FRYL: variants seen among roughly 807,000 people sequenced by gnomAD.
FRYL encodes the protein FRY like transcription coactivator.
FRYL carries 150 observed loss-of-function variants against 351.2 expected under a neutral mutation model. The observed-to-expected ratio is 0.43, with a 90% CI of 0.37 to 0.49. The LOEUF (loss-of-function observed/expected upper bound fraction) is 0.49. Among genes scored for constraint, FRYL ranks in the 20% least tolerant of loss-of-function variants. The pLI is 0.00. For synonymous variants in FRYL, 1,153 were observed against 1,257.1 expected (o/e 0.92, Z 1.75); for missense variants, 3,036 against 3,619.3 (o/e 0.84, Z 4.13).
intron 2 of FRYL, among the ~76,000 whole-genome samples, chr4:48,696,886 A>ATCTG (rs1432884526): frequency 6.6e-6 from 1 of 151,350 alleles, no homozygotes; most frequent in Admixed American, 6.6e-5. Context: ...CTATCTATCT[A>ATCTG]TCTATCTATC....
At chr4:48,586,360 A>C (rs1251783736) in intron 19 of FRYL, among the ~76,000 whole-genome samples, 1 of 152,132 alleles carries the variant, frequency 6.6e-6, no homozygotes, top group Non-Finnish European at 1.5e-5. Flanking sequence ...CCAGGAAAGA[A>C]TACTAGATGG....
chr4:48,576,330 G>T (rs1324463992), intron 23 of FRYL, 108 bp from the exon 24 acceptor site: 8 of 809,382 alleles, frequency 9.9e-6, no homozygotes, highest in Non-Finnish European at 1.4e-5. Flanking sequence ...GAGACAGAGT[G>T]TCACTCTGTC....
At chr4:48,691,320 G>A (rs1407025635) in intron 2 of FRYL, among the ~76,000 whole-genome samples, 1 of 151,876 alleles carries the variant, frequency 6.6e-6, no homozygotes, top group Non-Finnish European at 1.5e-5. Flanking sequence ...TATTGCAGTA[G>A]AGGCAAAGAA....
At chr4:48,554,671 T>A (rs1578093772) in intron 35 of FRYL, among the ~76,000 whole-genome samples, 1 of 152,328 alleles carries the variant, frequency 6.6e-6, no homozygotes, top group South Asian at 2.1e-4. Flanking sequence ...AGTGATAACC[T>A]TCTAGGTATG....
intron 3 of FRYL, among the ~76,000 whole-genome samples, chr4:48,644,361 A>T (rs1755944882): frequency 1.3e-5 from 2 of 152,160 alleles, no homozygotes; most frequent in South Asian, 4.1e-4. Flanking sequence ...AAATACAAAG[A>T]ATATTATTTG....
intron 33 of FRYL, among the ~76,000 whole-genome samples, chr4:48,558,078 T>C (rs187690103): frequency 3.9e-4 from 59 of 152,180 alleles, no homozygotes; most frequent in South Asian, 3.3e-3. Flanking sequence ...TTGAAAAAAA[T>C]TGAAAGCAGA....
chr4:48,772,909 G>C (rs539738524), intron 1 of FRYL, among the ~76,000 whole-genome samples: 1 of 152,316 alleles, frequency 6.6e-6, no homozygotes, highest in Admixed American at 6.5e-5. Context: ...CGCTGAAATA[G>C]AGGTGTATCT....
At chr4:48,661,386 C>G (rs1000514940) in intron 3 of FRYL, among the ~76,000 whole-genome samples, 1 of 152,158 alleles carries the variant, frequency 6.6e-6, no homozygotes, top group African/African-American at 2.4e-5. Flanking sequence ...ACACTACAAG[C>G]ACCTCAACTT....
chr4:48,754,740 G>A (rs575787535), intron 1 of FRYL, among the ~76,000 whole-genome samples: 7 of 149,934 alleles, frequency 4.7e-5, no homozygotes, highest in Admixed American at 3.3e-4. Context: ...TGATCTTGGC[G>A]CACTGCAGCC....
intron 4 of FRYL, among the ~76,000 whole-genome samples, chr4:48,626,774 A>G (rs1751917086): frequency 6.6e-6 from 1 of 152,160 alleles, no homozygotes; most frequent in African/African-American, 2.4e-5. Context: ...AAGCTTCTCT[A>G]TCCAGTAGTC....
chr4:48,620,782 A>G lies in FRYL; in HGVS notation c.175-4T>C, dbSNP rs748402567. On this transcript the variant is annotated splice_polypyrimidine_tract_variant and splice_region_variant and intron_variant, in intron 5 of 63. Coordinates refer to ENST00000358350, the MANE Select transcript of FRYL (RefSeq NM_015030.2). ...CTGAGCTCATAGAGCTTATCAACTGAAAACACAAGATATTACCAGAAAATA... is the reference window on the plus strand; with the variant it reads ...CTGAGCTCATAGAGCTTATCAACTGGAAACACAAGATATTACCAGAAAATA... 1 of 1,610,438 alleles carries G rather than the reference A, an allele frequency of 6.2e-7. No individual in the cohort carries two copies. Among genetic ancestry groups the G allele is most frequent in the East Asian group, 2.2e-5 (1 of 44,794 alleles).
rs1431000973 is a variant in FRYL, at chr4:48,543,986, G to A, written c.5413C>T (p.Leu1805=). 1 of 1,613,492 alleles carries A rather than the reference G, an allele frequency of 6.2e-7. No homozygotes were observed. Among genetic ancestry groups the A allele is most frequent in the East Asian group, 2.2e-5 (1 of 44,848 alleles). The change falls in exon 44 of 64, where the codon CTG becomes TTG. Residue 1805 remains leucine, a synonymous_variant. Transcript: ENST00000358350. ...GCAACTTCACTAAGATGATGTTCCA[G>A]ATGAATTCCTTCTGTGAATGCAAAG... ...FKQSSSEGIH[L]EHHLSEVALQ... is the part of the protein sequence containing the mutation.
At chr4:48,558,578 T>G (rs1172192516) in intron 33 of FRYL, among the ~76,000 whole-genome samples, 3 of 152,212 alleles carry the variant, frequency 2.0e-5, no homozygotes, top group Admixed American at 6.5e-5. Flanking sequence ...ATGATTAAGA[T>G]GGCAAATTTT....
intron 7 of FRYL, among the ~76,000 whole-genome samples, chr4:48,610,933 A>G (rs1748045313): frequency 6.6e-6 from 1 of 151,642 alleles, no homozygotes; most frequent in Admixed American, 6.6e-5. Flanking sequence ...CAGATTTTCA[A>G]TATTCAAGTA....
At chr4:48,758,945 G>A (rs1364631507) in intron 1 of FRYL, among the ~76,000 whole-genome samples, 4 of 152,150 alleles carry the variant, frequency 2.6e-5, no homozygotes, top group South Asian at 4.1e-4. Flanking sequence ...CATGGATGAA[G>A]CTGGAAACCA....
At chr4:48,773,251 T>G (rs941457133) in intron 1 of FRYL, among the ~76,000 whole-genome samples, 4 of 152,188 alleles carry the variant, frequency 2.6e-5, no homozygotes, top group African/African-American at 9.7e-5. Context: ...GTAGAGCTGA[T>G]GAAAATATCT....
At chr4:48,593,200 A>G (rs984346216) in intron 16 of FRYL, among the ~76,000 whole-genome samples, 3 of 151,156 alleles carry the variant, frequency 2.0e-5, no homozygotes, top group Non-Finnish European at 4.4e-5. Flanking sequence ...GTGCTCAATA[A>G]ATGTTGAATG....
intron 36 of FRYL, among the ~76,000 whole-genome samples, 192 bp downstream of exon 36, chr4:48,553,023 G>T (rs543389977): frequency 2.6e-5 from 4 of 152,084 alleles, no homozygotes; most frequent in Admixed American, 6.5e-5. Context: ...ATAAACTCTT[G>T]TTTAACAATT....
intron 3 of FRYL, among the ~76,000 whole-genome samples, chr4:48,680,497 C>A (rs993021135): frequency 1.3e-5 from 2 of 151,770 alleles, no homozygotes; most frequent in African/African-American, 4.8e-5. Context: ...TTGTTCTATT[C>A]AAAGATTTAA....
Sources: allele counts gnomAD v4.1 joint callset (sites outside exome capture counted in the v4.1 genomes callset), GRCh38; gene constraint gnomAD v4.1.1; transcripts MANE v1.5; gene names NCBI Gene and HGNC (gene_info 2026-07-23, HGNC 2026-07-21).